The following SLC6A2 variants were observed in gnomAD, a reference collection of about 807,000 sequenced individuals.
SLC6A2 encodes the protein sodium-dependent noradrenaline transporter.
A neutral mutation model predicts 71.7 loss-of-function variants in SLC6A2; 26 were observed. The observed-to-expected ratio is 0.36, with a 90% CI of 0.27 to 0.50. The LOEUF (loss-of-function observed/expected upper bound fraction) is 0.50. SLC6A2 is among the 20% of genes least tolerant of loss of function. SLC6A2 has a pLI of 0.96. For missense variants in SLC6A2, 581 were observed against 803.9 expected (o/e 0.72, Z 3.35); for synonymous variants, 363 against 337.9 (o/e 1.07, Z -0.82).
At position 55,703,485 on chromosome 16, in the gene SLC6A2, T is replaced by G. The variant is rs1404179536; in HGVS notation, c.*1139T>G. The G allele has an allele frequency of 3.0e-6, 3 of 985,416 alleles. No homozygotes were observed. The highest frequency in any genetic ancestry group is 9.4e-5 in the South Asian group (2 of 21,278). The allele number at this position is 985,416 out of a possible 1,614,324, so 61.0% of individuals were successfully genotyped here. Reference sequence around the variant, plus strand: ...AGACAAGCAGCCCAGAAATACTCTCTCAAGTGGAGGGGAGAATTTTGAGAG... The same window carrying G: ...AGACAAGCAGCCCAGAAATACTCTCGCAAGTGGAGGGGAGAATTTTGAGAG... On this transcript the variant is annotated 3_prime_UTR_variant, in exon 15 of 15. Coordinates refer to ENST00000568943, the MANE Select transcript of SLC6A2 (RefSeq NM_001172501.3).
intron 4 of SLC6A2, among the ~76,000 whole-genome samples, chr16:55,680,948 C>G (rs2142544055): frequency 6.6e-6 from 1 of 152,166 alleles, no homozygotes; most frequent in South Asian, 2.1e-4. Context: ...GATGACCCAC[C>G]CAACTCTGCT....
At chr16:55,697,779 G>A (rs987452169) in intron 9 of SLC6A2, 118 bp from the exon 10 acceptor site, 2 of 1,053,482 alleles carry the variant, frequency 1.9e-6, no homozygotes, top group Non-Finnish European at 2.8e-6. Context: ...TTTCTCGAGA[G>A]AGGCAAGGCA....
chr16:55,684,205 T>A (rs1596989215), intron 4 of SLC6A2, among the ~76,000 whole-genome samples: 1 of 146,622 alleles, frequency 6.8e-6, no homozygotes, highest in East Asian at 2.1e-4. Context: ...GAGGCTGAGG[T>A]GGGAGGACCA....
At position 55,692,000 on chromosome 16, in the gene SLC6A2, A is replaced by G. The variant is rs77951841; in HGVS notation, c.866A>G (p.Asn289Ser). ...GGCGTCACGCTGCCCGGAGCCTCCA[A>G]TGGCATCAATGCCTACCTGCACATC... The part of the protein sequence containing the change: ...VHGVTLPGAS[N>S]GINAYLHIDF... Residue 289 changes from asparagine to serine, a missense_variant, in exon 6 of 15, where the codon AAT (asparagine) becomes AGT (serine). Physicochemically the swap from Asn to Ser is conservative, Grantham distance 46. Around this residue, in one of 5 missense-constraint regions of SLC6A2, gnomAD observed 334 missense variants for 449.0 expected, o/e 0.74. Transcript: ENST00000568943. 7.9e-5 allele frequency: 127 copies of G among 1,614,170 alleles called. No individual in the cohort carries two copies. The East Asian group carries it at 2.5e-3, about 31-fold the overall frequency.
rs56147173 is a variant in SLC6A2 at position 55,689,350 on chromosome 16, T to A, written c.784-2568T>A. On this transcript the variant is annotated intron_variant, in intron 5 of 14. Transcript: ENST00000568943. ...ACACATGGGCACAGACAAAACAAGT[T>A]CCCTGCTTTCTTGATGCTTGAACTA... Among the ~76,000 whole-genome samples the A allele has an allele frequency of 7.8e-3, 1,185 of 152,338 alleles. 22 individuals are homozygous for A. The highest frequency in any genetic ancestry group is 0.027 in the African/African-American group (1,132 of 41,574).
At chr16:55,679,863 T>A (rs1223699317) in intron 4 of SLC6A2, among the ~76,000 whole-genome samples, 1 of 152,170 alleles carries the variant, frequency 6.6e-6, no homozygotes, top group African/African-American at 2.4e-5. Context: ...GAGACTTTCA[T>A]TGTTATCCTC....
intron 4 of SLC6A2, among the ~76,000 whole-genome samples, chr16:55,676,385 T>A (rs1965088081): frequency 6.6e-6 from 1 of 152,192 alleles, no homozygotes; most frequent in Non-Finnish European, 1.5e-5. Context: ...GTAACTCTTA[T>A]CCTCATCACA....
intron 12 of SLC6A2, 73 bp downstream of exon 12, chr16:55,699,727 T>C: frequency 8.8e-7 from 1 of 1,141,014 alleles, no homozygotes; most frequent in Non-Finnish European, 1.3e-6. Flanking sequence ...GGTGAGGATA[T>C]TTGCTTCTTA....
intron 4 of SLC6A2, among the ~76,000 whole-genome samples, chr16:55,675,349 G>A (rs1965052105): frequency 6.6e-6 from 1 of 152,204 alleles, no homozygotes; most frequent in Non-Finnish European, 1.5e-5. Context: ...CACCCTCAGG[G>A]CATTCATGGT....
At chr16:55,677,058 C>T (rs947888457) in intron 4 of SLC6A2, among the ~76,000 whole-genome samples, 15 of 152,276 alleles carry the variant, frequency 9.9e-5, no homozygotes, top group Admixed American at 2.0e-4. Flanking sequence ...ACGTTGGAAG[C>T]CCTTGTTTAC....
intron 2 of SLC6A2, among the ~76,000 whole-genome samples, chr16:55,661,640 T>A (rs556938223): frequency 1.1e-4 from 17 of 152,288 alleles, no homozygotes; most frequent in Admixed American, 9.8e-4. Flanking sequence ...TGGAAAATAG[T>A]CCCACTTGGG....
At chr16:55,683,600 T>C (rs1014215695) in intron 4 of SLC6A2, among the ~76,000 whole-genome samples, 3 of 149,696 alleles carry the variant, frequency 2.0e-5, no homozygotes, top group African/African-American at 7.4e-5. Flanking sequence ...GCAACAGTAG[T>C]GAAACTCCGT....
chr16:55,702,747 C>CCAAAAA lies in SLC6A2; in HGVS notation c.*401_*402insCAAAAA, dbSNP rs201774381. 3.9e-5 allele frequency: 36 copies of CCAAAAA among 920,608 alleles called. No individual in the cohort carries two copies. The African/African-American group carries it at 6.7e-4, about 17-fold the overall frequency. The allele number at this position is 920,608 out of a possible 1,614,324, so 57.0% of individuals were successfully genotyped here. A position where few individuals can be genotyped will look rare whatever the true frequency, so the allele number is the denominator to read the frequency against. ...TGGGCTTTTGATCAGATACCCCTCC[C>CCAAAAA]AAAAAAAAAAAAAACTAAAACTAAA... On this transcript the variant is annotated 3_prime_UTR_variant, in exon 15 of 15. Transcript: ENST00000568943.
In SLC6A2 at chr16:55,699,648, C is replaced by G. The variant is rs1085307494; in HGVS notation, c.1584C>G (p.Phe528Leu). 1 of 1,610,740 alleles carries G rather than the reference C, an allele frequency of 6.2e-7. No homozygotes were observed. Among genetic ancestry groups the G allele is most frequent in the Non-Finnish European group, 8.5e-7 (1 of 1,176,928 alleles). The change falls in exon 12 of 15, where the codon TTC (phenylalanine) becomes TTG (leucine). Residue 528 changes from phenylalanine to leucine, a missense_variant. Phe to Leu is a conservative substitution (Grantham distance 22). Coordinates refer to ENST00000568943, the MANE Select transcript of SLC6A2 (RefSeq NM_001172501.3). ...GCTGGAAGTTCGTCAGTCCTGCCTT[C>G]CTCCTGGTGTGTAGTGTCTGCAGGG... ...RLCWKFVSPA[F>L]LLFVVVVSII...
In SLC6A2 at chr16:55,702,312, T is replaced by C. The variant is rs1965997066; in HGVS notation, c.1831-11T>C. 6.2e-7 allele frequency: 1 copy of C among 1,614,102 alleles called. No homozygotes were observed. The highest frequency in any genetic ancestry group is 1.3e-5 in the African/African-American group (1 of 75,050). ...ACCATGTCATCAAGTCCTCGCTGTCTTTCTCTGCAGTTGCAACACTGGCTG... is the reference window on the plus strand; with the variant it reads ...ACCATGTCATCAAGTCCTCGCTGTCCTTCTCTGCAGTTGCAACACTGGCTG... On this transcript the variant is annotated splice_polypyrimidine_tract_variant and intron_variant, in intron 14 of 14. Transcript: ENST00000568943.
Position 55,671,957 on chromosome 16 carries a change from C to T in SLC6A2, c.426C>T (p.Ile142=), listed in dbSNP as rs781042933. 8.1e-6 allele frequency: 13 copies of T among 1,614,020 alleles called. No individual in the cohort carries two copies. In the Admixed American group the frequency reaches 1.3e-4, roughly 17 times the overall value. Residue 142 remains isoleucine, a synonymous_variant, in exon 4 of 15, where the codon ATC becomes ATT. Transcript: ENST00000568943. ...PFFKGVGYAV[I]LIALYVGFYY... is the part of the protein sequence containing the mutation. ...GCCCAGGCGTTGGCTATGCTGTCAT[C>T]CTGATCGCCCTGTACGTTGGCTTCT...
Position 55,703,182 on chromosome 16 carries a change from G to T in SLC6A2, c.*836G>T. On this transcript the variant is annotated 3_prime_UTR_variant, in exon 15 of 15. Coordinates refer to ENST00000568943, the MANE Select transcript of SLC6A2 (RefSeq NM_001172501.3). Reference sequence around the variant, plus strand: ...TGCTGCTCTTGCTCTGTAAGACACGGAGCCCAGAAACCCATCTGCACTTCC... The same window carrying T: ...TGCTGCTCTTGCTCTGTAAGACACGTAGCCCAGAAACCCATCTGCACTTCC... 3 of 985,364 alleles carry T rather than the reference G, an allele frequency of 3.0e-6. No individual in the cohort carries two copies. The highest frequency in any genetic ancestry group is 3.6e-6 in the Non-Finnish European group (3 of 829,886). 61.0% of individuals were successfully genotyped at this position (985,364 alleles called of 1,614,324 possible). A position where few individuals can be genotyped will look rare whatever the true frequency, so the allele number is the denominator to read the frequency against.
chr16:55,688,975 G>T (rs1206658156), intron 5 of SLC6A2, among the ~76,000 whole-genome samples: 3 of 152,204 alleles, frequency 2.0e-5, no homozygotes. Flanking sequence ...TGGATTTAAA[G>T]TGATAGAAAG....
intron 13 of SLC6A2, among the ~76,000 whole-genome samples, chr16:55,700,688 C>G (rs1262347365): frequency 6.6e-6 from 1 of 152,144 alleles, no homozygotes; most frequent in African/African-American, 2.4e-5. Context: ...TCCCAGCTCT[C>G]CCCATCCAAG....
Sources: gnomAD v4.1 joint callset for allele counts (sites outside exome capture counted in the v4.1 genomes callset) on GRCh38, gnomAD v4.1.1 for gene constraint, gnomAD v4.1.1 regional missense constraint, MANE v1.5 for transcripts, NCBI Gene and HGNC (gene_info 2026-07-23, HGNC 2026-07-21) for gene names.